The following ARHGAP15 variants were observed in gnomAD, a reference collection of about 807,000 sequenced individuals.
ARHGAP15 encodes Rho GTPase activating protein 15, also known as rho GTPase-activating protein 15.
In ARHGAP15, 51 loss-of-function variants were observed where a neutral mutation model predicts 63.7. The observed-to-expected ratio is 0.80, with a 90% CI of 0.64 to 1.01. The LOEUF (loss-of-function observed/expected upper bound fraction) is 1.01. Among genes scored for constraint, ARHGAP15 ranks in the 50% least tolerant of loss-of-function variants. The pLI, the probability that ARHGAP15 is intolerant of heterozygous loss-of-function variation, is 0.00. For missense variants in ARHGAP15, 560 were observed against 564.6 expected (o/e 0.99, Z 0.08); for synonymous variants, 191 against 193.8 (o/e 0.99, Z 0.12).
At position 143,435,582 on chromosome 2, in the gene ARHGAP15, C is replaced by CTTTTTTTTT. The variant is rs11438710; in HGVS notation, c.475-13_475-5dup. 7.4e-6 allele frequency: 10 copies of CTTTTTTTTT among 1,356,706 alleles called. No individual in the cohort carries two copies. Among genetic ancestry groups the CTTTTTTTTT allele is most frequent in the Admixed American group, 6.2e-5 (2 of 32,368 alleles). The allele number at this position is 1,356,706 out of a possible 1,614,324, so 84.0% of individuals were successfully genotyped here. On this transcript the variant is annotated intron_variant, in intron 6 of 13. Coordinates refer to ENST00000295095, the MANE Select transcript of ARHGAP15 (RefSeq NM_018460.4). ...TTTCTTTACCTGTCTATTTCTTTTTCTTTTTTTTTTTTTTGCAGATCACAA... is the reference window on the plus strand; with the variant it reads ...TTTCTTTACCTGTCTATTTCTTTTTCTTTTTTTTTTTTTTTTTTTTTTTGCAGATCACAA...
intron 6 of ARHGAP15, among the ~76,000 whole-genome samples, chr2:143,345,812 A>G (rs1685246835): frequency 6.6e-6 from 1 of 152,088 alleles, no homozygotes; most frequent in South Asian, 2.1e-4. Flanking sequence ...TTAGTTTCTG[A>G]TTGCAGTTTT....
chr2:143,484,365 C>CAAAAA (rs377516856), intron 8 of ARHGAP15, among the ~76,000 whole-genome samples: 2 of 125,436 alleles, frequency 1.6e-5, no homozygotes, highest in African/African-American at 6.1e-5. Context: ...GACTCCATCT[C>CAAAAA]AAAAAAAAAA....
intron 13 of ARHGAP15, among the ~76,000 whole-genome samples, chr2:143,735,953 G>A (rs1574909906): frequency 6.6e-6 from 1 of 152,156 alleles, no homozygotes; most frequent in Non-Finnish European, 1.5e-5. Flanking sequence ...AAATTGACAA[G>A]GCTTATGAAG....
intron 12 of ARHGAP15, among the ~76,000 whole-genome samples, chr2:143,692,746 T>C (rs1393212870): frequency 6.6e-6 from 1 of 152,202 alleles, no homozygotes; most frequent in Non-Finnish European, 1.5e-5. Flanking sequence ...ATTTCACAAA[T>C]GACCTCCTCC....
chr2:143,640,975 C>T (rs149717707), intron 12 of ARHGAP15: 2 of 152,260 alleles, frequency 1.3e-5, no homozygotes, highest in Non-Finnish European at 2.9e-5. Flanking sequence ...CCTTTTAGTT[C>T]ACTTTGCAGA....
rs78529559 is a variant in ARHGAP15 at position 143,445,392 on chromosome 2, A to T, written c.703+8350A>T. Among the ~76,000 whole-genome samples the T allele has an allele frequency of 4.7e-3, 711 of 151,912 alleles. 47 individuals carry two copies. In the East Asian group the frequency reaches 0.12, roughly 26 times the overall value. On this transcript the variant is annotated intron_variant, in intron 8 of 13. Coordinates refer to ENST00000295095, the MANE Select transcript of ARHGAP15 (RefSeq NM_018460.4). ...TGGCCAGGCAGGTATCGACCTCCTG[A>T]CCTCACGATCTGCCCACCTTGGCCT...
intron 6 of ARHGAP15, among the ~76,000 whole-genome samples, chr2:143,285,966 A>C (rs1682076072): frequency 6.6e-6 from 1 of 152,206 alleles, no homozygotes; most frequent in Non-Finnish European, 1.5e-5. Context: ...TTTAGCAAAA[A>C]CTTAAAAATT....
chr2:143,557,308 G>T (rs750826161), intron 11 of ARHGAP15, among the ~76,000 whole-genome samples: 8 of 151,980 alleles, frequency 5.3e-5, no homozygotes, highest in Non-Finnish European at 1.2e-4. Context: ...ATTATTCAGG[G>T]ATGAAAAGAA....
chr2:143,192,624 G>T (rs1691726398), intron 2 of ARHGAP15, among the ~76,000 whole-genome samples: 1 of 152,028 alleles, frequency 6.6e-6, no homozygotes, highest in South Asian at 2.1e-4. Flanking sequence ...CCTCTCCACG[G>T]GTTTGCTGTA....
intron 11 of ARHGAP15, among the ~76,000 whole-genome samples, chr2:143,592,050 A>G (rs1019347557): frequency 6.6e-5 from 10 of 152,188 alleles, no homozygotes; most frequent in African/African-American, 1.2e-4. Flanking sequence ...ATTAAATTCA[A>G]TGTTTCCTGG....
chr2:143,208,950 G>A (rs1328817322), intron 3 of ARHGAP15, among the ~76,000 whole-genome samples: 1 of 152,112 alleles, frequency 6.6e-6, no homozygotes, highest in African/African-American at 2.4e-5. Context: ...TGAGGACAGA[G>A]CTCAGGAAGT....
At chr2:143,281,498 G>A (rs1681847091) in intron 6 of ARHGAP15, among the ~76,000 whole-genome samples, 1 of 152,098 alleles carries the variant, frequency 6.6e-6, no homozygotes, top group Non-Finnish European at 1.5e-5. Context: ...GCTTCATGAG[G>A]TCCTGCAACA....
At chr2:143,567,886 A>G (rs1696293860) in intron 11 of ARHGAP15, among the ~76,000 whole-genome samples, 1 of 152,192 alleles carries the variant, frequency 6.6e-6, no homozygotes. Context: ...CATAAACTGC[A>G]AAATAGAATA....
intron 11 of ARHGAP15, chr2:143,587,910 T>C (rs993191338): frequency 7.8e-6 from 2 of 255,310 alleles, no homozygotes; most frequent in African/African-American, 4.5e-5. Flanking sequence ...GCACCTCAAC[T>C]AACTGAACCC....
chr2:143,424,513 G>C (rs908540526), intron 6 of ARHGAP15, among the ~76,000 whole-genome samples: 1 of 152,016 alleles, frequency 6.6e-6, no homozygotes, highest in Non-Finnish European at 1.5e-5. Context: ...ATTCCACAGA[G>C]AGGGCATAGG....
chr2:143,169,724 C>A (rs1690695853), intron 2 of ARHGAP15, among the ~76,000 whole-genome samples: 1 of 86,246 alleles, frequency 1.2e-5, no homozygotes, highest in Admixed American at 1.1e-4. Flanking sequence ...CAGGTTCAAT[C>A]AGAACTGTCA....
At chr2:143,760,957 C>T (rs536624413) in intron 13 of ARHGAP15, among the ~76,000 whole-genome samples, 2 of 152,238 alleles carry the variant, frequency 1.3e-5, no homozygotes, top group African/African-American at 4.8e-5. Flanking sequence ...TCGAAACACA[C>T]TAATGTTAAA....
intron 13 of ARHGAP15, among the ~76,000 whole-genome samples, chr2:143,704,892 GCATTTA>G (rs1168596127): frequency 1.3e-5 from 2 of 152,098 alleles, no homozygotes; most frequent in African/African-American, 4.8e-5. Context: ...CAACAGTGAT[GCATTTA>G]CATTTAAAAA....
chr2:143,228,473 T>G, intron 4 of ARHGAP15, 108 bp from the exon 5 acceptor site: 1 of 586,710 alleles, frequency 1.7e-6, no homozygotes, highest in Admixed American at 3.6e-5. Flanking sequence ...GCAAGACTGT[T>G]AAAAATAAAG....
Sources: allele counts gnomAD v4.1 joint callset (sites outside exome capture counted in the v4.1 genomes callset), GRCh38; gene constraint gnomAD v4.1.1; transcripts MANE v1.5; gene names NCBI Gene and HGNC (gene_info 2026-07-23, HGNC 2026-07-21).